The following HEMK2 variants were observed in gnomAD, a reference collection of about 807,000 sequenced individuals.
HEMK2 encodes HemK methyltransferase 2, ETF1 glutamine and histone H4 lysine.
chr21:28,827,096 T>C, the HEMK2 span, among the ~76,000 whole-genome samples: 8 of 152,160 alleles, frequency 5.3e-5, no homozygotes, highest in Admixed American at 5.2e-4. Context: ...AACAGATAGT[T>C]ATGATGTGCC....
the HEMK2 span, among the ~76,000 whole-genome samples, chr21:28,801,856 AC>A: frequency 0.012 from 1,765 of 152,330 alleles, 12 homozygotes; most frequent in Middle Eastern, 0.017. Context: ...TGTTGGATTA[AC>A]AAAAAAAGAA....
At chr21:28,755,800 C>G in the HEMK2 span, among the ~76,000 whole-genome samples, 1 of 152,182 alleles carries the variant, frequency 6.6e-6, no homozygotes, top group Non-Finnish European at 1.5e-5. Flanking sequence ...AACGCCATTT[C>G]TGTGTGTGAG....
At chr21:28,838,973 ATATAT>A in the HEMK2 span, among the ~76,000 whole-genome samples, 45 of 22,506 alleles carry the variant, frequency 2.0e-3, no homozygotes, top group South Asian at 5.6e-3. Flanking sequence ...AAAAAAAAAA[ATATAT>A]ATATATATAT....
the HEMK2 span, among the ~76,000 whole-genome samples, chr21:28,819,125 T>C: frequency 6.6e-6 from 1 of 152,160 alleles, no homozygotes; most frequent in Non-Finnish European, 1.5e-5. Context: ...AAAGCTCTGG[T>C]AGTTGCTCAA....
the HEMK2 span, among the ~76,000 whole-genome samples, chr21:28,876,791 T>C: frequency 6.6e-6 from 1 of 152,070 alleles, no homozygotes; most frequent in Non-Finnish European, 1.5e-5. Context: ...TGATCAGTTT[T>C]TTAGTTGATT....
chr21:28,586,167 T>C, the HEMK2 span, among the ~76,000 whole-genome samples: 1 of 152,196 alleles, frequency 6.6e-6, no homozygotes, highest in Non-Finnish European at 1.5e-5. Context: ...ACCAGGATTA[T>C]GCATTAAAAA....
the HEMK2 span, among the ~76,000 whole-genome samples, chr21:28,593,666 G>C: frequency 6.6e-6 from 1 of 152,150 alleles, no homozygotes; most frequent in Non-Finnish European, 1.5e-5. Context: ...AAGAAACACA[G>C]GAGCTAAGCG....
chr21:28,849,012 T>G, the HEMK2 span, among the ~76,000 whole-genome samples: 1 of 152,296 alleles, frequency 6.6e-6, no homozygotes, highest in East Asian at 1.9e-4. Flanking sequence ...CACCCCACTG[T>G]GCTGCCCCAG....
At chr21:28,625,909 G>A in the HEMK2 span, among the ~76,000 whole-genome samples, 1 of 151,914 alleles carries the variant, frequency 6.6e-6, no homozygotes, top group Admixed American at 6.6e-5. Context: ...TAAAAGAAAG[G>A]ATTTAAAAAA....
the HEMK2 span, among the ~76,000 whole-genome samples, chr21:28,782,451 T>C: frequency 6.6e-6 from 1 of 152,212 alleles, no homozygotes; most frequent in Non-Finnish European, 1.5e-5. Context: ...AATATACACA[T>C]ATAGTTCAGA....
the HEMK2 span, among the ~76,000 whole-genome samples, chr21:28,616,450 T>C: frequency 6.6e-6 from 1 of 152,194 alleles, no homozygotes; most frequent in African/African-American, 2.4e-5. Flanking sequence ...ATTAGTCTTG[T>C]TTGAAAAGTT....
At chr21:28,833,541 C>A in the HEMK2 span, among the ~76,000 whole-genome samples, 2 of 152,208 alleles carry the variant, frequency 1.3e-5, no homozygotes, top group Admixed American at 1.3e-4. Flanking sequence ...TTTAACTAAA[C>A]AGAAACTATT....
At chr21:28,603,340 C>T in the HEMK2 span, among the ~76,000 whole-genome samples, 12 of 152,274 alleles carry the variant, frequency 7.9e-5, no homozygotes, top group East Asian at 3.9e-4. Context: ...ATAGAGCCCC[C>T]CTTTTCTTAT....
the HEMK2 span, among the ~76,000 whole-genome samples, chr21:28,610,569 A>C: frequency 6.6e-6 from 1 of 152,212 alleles, no homozygotes; most frequent in Non-Finnish European, 1.5e-5. Context: ...CTAATGTTGA[A>C]TGTAAATGGC....
chr21:28,595,753 A>T, the HEMK2 span, among the ~76,000 whole-genome samples: 79 of 148,382 alleles, frequency 5.3e-4, no homozygotes, highest in African/African-American at 1.9e-3. Context: ...AAACCTCCAA[A>T]CAGTTCTTAT....
chr21:28,771,979 AT>A, the HEMK2 span, among the ~76,000 whole-genome samples: 6 of 151,374 alleles, frequency 4.0e-5, no homozygotes, highest in African/African-American at 1.4e-4. Flanking sequence ...AAAAAAAAAA[AT>A]GAAGACAACA....
chr21:28,576,434 T>C, the HEMK2 span, among the ~76,000 whole-genome samples: 6 of 150,924 alleles, frequency 4.0e-5, no homozygotes, highest in African/African-American at 1.5e-4. Context: ...ATTAGGTTTG[T>C]CTTTTATTAT....
the HEMK2 span, among the ~76,000 whole-genome samples, chr21:28,697,699 G>T: frequency 7.2e-6 from 1 of 138,678 alleles, no homozygotes; most frequent in East Asian, 2.4e-4. Flanking sequence ...CTTTCACCAT[G>T]AGTGGAAGCT....
chr21:28,725,233 T>C, the HEMK2 span, among the ~76,000 whole-genome samples: 1 of 152,162 alleles, frequency 6.6e-6, no homozygotes, highest in African/African-American at 2.4e-5. Context: ...CTAAATTGTA[T>C]TGAAATTAAA....
Sources: gnomAD v4.1 joint callset for allele counts (sites outside exome capture counted in the v4.1 genomes callset) on GRCh38, gnomAD v4.1.1 for gene constraint, MANE v1.5 for transcripts, NCBI Gene and HGNC (gene_info 2026-07-23, HGNC 2026-07-21) for gene names.